SOX30: variants seen among roughly 807,000 people sequenced by gnomAD.
SOX30 encodes SRY-box transcription factor 30, also known as transcription factor SOX-30.
SOX30 carries 17 observed loss-of-function variants against 58.6 expected under a neutral mutation model. The ratio of observed to expected loss-of-function variants is 0.29; its 90% CI spans 0.20 to 0.44. The LOEUF (loss-of-function observed/expected upper bound fraction) is 0.44, where lower values mean the gene tolerates loss of function less well. Among genes scored for constraint, SOX30 ranks in the 20% least tolerant of loss-of-function variants. The pLI, the probability that SOX30 is intolerant of heterozygous loss-of-function variation, is 1.00. For synonymous variants in SOX30, 421 were observed against 400.2 expected, an observed-to-expected ratio of 1.05 and a Z score of -0.62; for missense variants, 951 against 965.8, an observed-to-expected ratio of 0.98 and a Z score of 0.20.
rs534239408 is a variant in SOX30 at position 157,671,476 on chromosome 5, A to G, written c.-150T>C. 246 of 670,252 alleles carry G rather than the reference A, an allele frequency of 3.7e-4. 1 individual carries two copies. The African/African-American group carries it at 3.7e-3, about 10-fold the overall frequency. The allele number at this position is 670,252 out of a possible 1,614,324, so 41.5% of individuals were successfully genotyped here. ...AGCCCCCGTCCCCTTCCCCGCAGCC[A>G]ATATGTGTCTCCCAGGCAACGCGCC... is the stretch of plus-strand genomic sequence containing the variant. On this transcript the variant is annotated 5_prime_UTR_variant, in exon 1 of 6. Coordinates refer to the SOX30 transcript ENST00000519442.
In SOX30 at chr5:157,632,348, C is replaced by T. The variant is rs114225204; in HGVS notation, c.1881-5627G>A. Among the ~76,000 whole-genome samples, 321 of 152,308 alleles carry T rather than the reference C, an allele frequency of 2.1e-3. 1 individual carries two copies. The highest frequency in any genetic ancestry group is 7.2e-3 in the African/African-American group (299 of 41,556). ...GGACCCTACACAGTCATCTGGAGTTCCCTCTGTGCGTAGCTCTCTTTTCTC... is the reference window on the plus strand; with the variant it reads ...GGACCCTACACAGTCATCTGGAGTTTCCTCTGTGCGTAGCTCTCTTTTCTC... On this transcript the variant is annotated intron_variant, in intron 4 of 4. Transcript: ENST00000265007.
Position 157,626,543 on chromosome 5 carries a change from T to C in SOX30, c.2059A>G (p.Ser687Gly). 1 of 1,614,154 alleles carries C rather than the reference T, an allele frequency of 6.2e-7. No homozygotes were observed. Among genetic ancestry groups the C allele is most frequent in the South Asian group, 1.1e-5 (1 of 91,076 alleles). Residue 687 changes from serine (S) to glycine (G), a missense_variant, in exon 5 of 5, where the codon AGT becomes GGT. By Grantham distance (56) the Ser-to-Gly change is moderately conservative. Transcript: ENST00000265007. ...SECTHSENSRSCENMNGTSYY... is the reference protein window; with the variant it reads ...SECTHSENSRGCENMNGTSYY... ...GAAGTTCCATTCATGTTCTCACAAC[T>C]CCGAGAATTTTCACTGTGTGTGCAT... is the stretch of plus-strand genomic sequence containing the variant.
chr5:157,651,582 A>G lies in SOX30; in HGVS notation c.497T>C (p.Val166Ala). ...GGCCGGCCCGGGGCCTTCCAACTTGACCACCCTGGAGGCTCTAGGACCGGT... is the reference window on the plus strand; with the variant it reads ...GGCCGGCCCGGGGCCTTCCAACTTGGCCACCCTGGAGGCTCTAGGACCGGT... ...VETGPRASRV[V>A]KLEGPGPALG... Residue 166 changes from valine (V) to alanine (A), a missense_variant, in exon 1 of 5, where the codon GTC becomes GCC. By Grantham distance (64) the Val-to-Ala change is moderately conservative. Around this residue, in one of 7 missense-constraint regions of SOX30, gnomAD observed 363 missense variants for 294.5 expected, o/e 1.23. Transcript: ENST00000265007. The G allele has an allele frequency of 6.2e-7, 1 of 1,612,580 alleles. No individual in the cohort carries two copies. The highest frequency in any genetic ancestry group is 2.2e-5 in the East Asian group (1 of 44,826).
upstream of SOX30, among the ~76,000 whole-genome samples, chr5:157,653,614 A>G (rs906721812): frequency 1.3e-5 from 2 of 152,232 alleles, no homozygotes; most frequent in African/African-American, 4.8e-5. Flanking sequence ...TCCATTAAAC[A>G]TCACCAAGAA....
intron 4 of SOX30, among the ~76,000 whole-genome samples, chr5:157,628,878 T>C (rs1449566969): frequency 2.6e-5 from 4 of 152,050 alleles, no homozygotes; most frequent in African/African-American, 9.7e-5. Context: ...TGACCTCAGG[T>C]GATCCGCCCG....
intron 1 of SOX30, among the ~76,000 whole-genome samples, chr5:157,650,621 G>A (rs1486505405): frequency 2.0e-5 from 3 of 152,062 alleles, no homozygotes; most frequent in Admixed American, 6.5e-5. Flanking sequence ...ATTGAATCAC[G>A]TATTGTTTTC....
intron 1 of SOX30, among the ~76,000 whole-genome samples, chr5:157,669,763 C>T (rs1017859966): frequency 6.6e-6 from 1 of 152,064 alleles, no homozygotes; most frequent in African/African-American, 2.4e-5. Context: ...AAGTGATCCG[C>T]CCGCCTTAGC....
exon 2 of SOX30, chr5:157,667,806 A>G: frequency 6.5e-7 from 1 of 1,535,500 alleles, no homozygotes. Flanking sequence ...ACCTTGCTGG[A>G]TGCACAGTAG....
In SOX30 at chr5:157,626,328, T is replaced by C. The variant is rs200275086; in HGVS notation, c.*12A>G. 9.2e-5 allele frequency: 146 copies of C among 1,580,600 alleles called. No homozygotes were observed. In the African/African-American group the frequency reaches 1.8e-3, roughly 19 times the overall value. ...AAGAAATGTTTATTTTCTGTGCATA[T>C]TTGTTTTAAAATTATAAATCCCTGA... On this transcript the variant is annotated 3_prime_UTR_variant, in exon 5 of 5. Transcript: ENST00000265007.
intron 2 of SOX30, among the ~76,000 whole-genome samples, chr5:157,648,195 T>C (rs1759242959): frequency 6.6e-6 from 1 of 152,194 alleles, no homozygotes; most frequent in East Asian, 1.9e-4. Context: ...ATGACAGGGC[T>C]AAATCTATCA....
At position 157,648,727 on chromosome 5, in the gene SOX30, A is replaced by C; in HGVS notation, c.1137T>G (p.Ser379Arg). ...VQLGLEWNKL[S>R]EEQKKPYYDE... ...CGTAATAGGGTTTCTTTTGTTCTTC[A>C]CTAAGTTTGTTCCACTCTAACCCAA... The change falls in exon 2 of 5, where the codon AGT becomes AGG. Residue 379 changes from serine to arginine, a missense_variant. This residue lies in a region of SOX30 where 57 missense variants were observed against 104.0 expected (regional missense o/e 0.55). Coordinates refer to ENST00000265007, the MANE Select transcript of SOX30 (RefSeq NM_178424.2). The C allele has an allele frequency of 6.2e-7, 1 of 1,613,536 alleles. No homozygotes were observed. Among genetic ancestry groups the C allele is most frequent in the Non-Finnish European group, 8.5e-7 (1 of 1,179,940 alleles).
rs777838721 is a variant in SOX30, at chr5:157,651,644, G to A, written c.435C>T (p.Ser145=). 11 of 1,612,134 alleles carry A rather than the reference G, an allele frequency of 6.8e-6. No individual in the cohort carries two copies. The highest frequency in any genetic ancestry group is 9.3e-6 in the Non-Finnish European group (11 of 1,179,738). The change falls in exon 1 of 5, where the codon AGC becomes AGT. Residue 145 remains serine, a synonymous_variant. Transcript: ENST00000265007. ...VKAKKQKLGP[S]LDQSVGPRGA... is the part of the protein sequence containing the mutation. Reference sequence around the variant, plus strand: ...CTCGAGGCCCCACTGACTGATCCAGGCTGGGCCCCAGCTTCTGCTTCTTGG... The same window carrying A: ...CTCGAGGCCCCACTGACTGATCCAGACTGGGCCCCAGCTTCTGCTTCTTGG...
chr5:157,657,941 A>G (rs1156416930), intron 2 of SOX30, among the ~76,000 whole-genome samples: 1 of 152,228 alleles, frequency 6.6e-6, no homozygotes, highest in Non-Finnish European at 1.5e-5. Context: ...TGTAAAGCCA[A>G]TAAAAGCCCC....
intron 2 of SOX30, among the ~76,000 whole-genome samples, chr5:157,648,138 A>T (rs888198970): frequency 1.3e-5 from 2 of 152,138 alleles, no homozygotes; most frequent in African/African-American, 4.8e-5. Flanking sequence ...GCTTAATCCC[A>T]ATGTTCCCAC....
upstream of SOX30, among the ~76,000 whole-genome samples, chr5:157,652,648 G>A (rs1222701134): frequency 6.6e-6 from 1 of 152,228 alleles, no homozygotes; most frequent in Non-Finnish European, 1.5e-5. Context: ...TAATGTTGCT[G>A]GGGAGGATCT....
chr5:157,660,458 G>GTAAAA, intron 2 of SOX30, among the ~76,000 whole-genome samples: 1 of 147,862 alleles, frequency 6.8e-6, no homozygotes, highest in East Asian at 2.1e-4. Flanking sequence ...ATAAAGTAAA[G>GTAAAA]TAAAATAAAA....
At chr5:157,627,343 C>T (rs11743072) in intron 4 of SOX30, among the ~76,000 whole-genome samples, 1 of 151,932 alleles carries the variant, frequency 6.6e-6, no homozygotes, top group Non-Finnish European at 1.5e-5. Flanking sequence ...AGCCTGGTGA[C>T]AGAGTGAGAC....
Position 157,652,380 on chromosome 5 carries a change from G to A in SOX30, c.-302C>T. ...CACATTTTCGTTCTGACTCTCTTGT[G>A]GAGTTCTCTTACAGCCGTTGTCTTT... On this transcript the variant is annotated 5_prime_UTR_variant, in exon 1 of 5. Transcript: ENST00000265007. The A allele has an allele frequency of 8.9e-7, 1 of 1,128,092 alleles. No individual in the cohort carries two copies. The allele number at this position is 1,128,092 out of a possible 1,614,324, so 69.9% of individuals were successfully genotyped here. A position where few individuals can be genotyped will look rare whatever the true frequency, so the allele number is the denominator to read the frequency against.
chr5:157,654,456 C>G (rs901871086), upstream of SOX30, among the ~76,000 whole-genome samples: 3 of 152,160 alleles, frequency 2.0e-5, no homozygotes, highest in Non-Finnish European at 4.4e-5. Flanking sequence ...CCATACCACA[C>G]TTTGAGAACC....
Sources: allele counts gnomAD v4.1 joint callset (sites outside exome capture counted in the v4.1 genomes callset), GRCh38; gene constraint gnomAD v4.1.1; regional missense constraint gnomAD v4.1.1; transcripts MANE v1.5; gene names NCBI Gene and HGNC (gene_info 2026-07-23, HGNC 2026-07-21).